VIPR2: variants seen among roughly 807,000 people sequenced by gnomAD.
VIPR2 encodes the protein vasoactive intestinal polypeptide receptor 2.
In VIPR2, 48 loss-of-function variants were observed where a neutral mutation model predicts 58.0. The observed-to-expected ratio is 0.83, with a 90% CI of 0.66 to 1.05. The LOEUF (loss-of-function observed/expected upper bound fraction) is 1.05, where lower values mean the gene tolerates loss of function less well. Ranked by LOEUF, VIPR2 falls within the 50% of genes least tolerant of loss-of-function variation. The pLI is 0.00. For synonymous variants in VIPR2, 243 were observed against 235.2 expected (o/e 1.03, Z -0.30); for missense variants, 534 against 558.0 (o/e 0.96, Z 0.43).
At chr7:159,050,303 C>CT (rs904886866) in intron 5 of VIPR2, among the ~76,000 whole-genome samples, 6 of 150,718 alleles carry the variant, frequency 4.0e-5, no homozygotes, top group Admixed American at 2.6e-4. Context: ...TGCCACTGCA[C>CT]TCCAGCCTGG....
At chr7:159,083,793 G>A (rs1362112045) in intron 4 of VIPR2, among the ~76,000 whole-genome samples, 2 of 152,238 alleles carry the variant, frequency 1.3e-5, no homozygotes, top group Non-Finnish European at 2.9e-5. Context: ...TGTCTGCACT[G>A]CATCACAGTG....
At chr7:159,057,306 TA>T (rs1855381909) in intron 5 of VIPR2, among the ~76,000 whole-genome samples, 1 of 152,230 alleles carries the variant, frequency 6.6e-6, no homozygotes, top group Non-Finnish European at 1.5e-5. Context: ...CAAATATTAA[TA>T]TTGTACCAGA....
intron 4 of VIPR2, among the ~76,000 whole-genome samples, chr7:159,076,881 T>C (rs1856662665): frequency 6.6e-6 from 1 of 152,214 alleles, no homozygotes; most frequent in South Asian, 2.1e-4. Flanking sequence ...ATACAACTTT[T>C]ATTACTAGTT....
intron 2 of VIPR2, among the ~76,000 whole-genome samples, chr7:159,113,288 C>T (rs1238373267): frequency 6.6e-6 from 1 of 150,758 alleles, no homozygotes; most frequent in Admixed American, 6.6e-5. Context: ...TGAAACTTCC[C>T]GGTCTGTTCT....
chr7:159,088,704 T>C (rs761495948), intron 4 of VIPR2, among the ~76,000 whole-genome samples: 64 of 152,354 alleles, frequency 4.2e-4, no homozygotes, highest in Non-Finnish European at 7.3e-4. Flanking sequence ...CACACAGCGG[T>C]GGCAGCACGG....
At chr7:159,047,048 A>G (rs1028385520) in intron 5 of VIPR2, among the ~76,000 whole-genome samples, 1 of 152,170 alleles carries the variant, frequency 6.6e-6, no homozygotes, top group South Asian at 2.1e-4. Flanking sequence ...CAGCCTGACT[A>G]ACAAGGTGAA....
chr7:159,125,570 C>T (rs118152437), intron 2 of VIPR2, among the ~76,000 whole-genome samples: 2,312 of 152,310 alleles, frequency 0.015, 32 homozygotes, highest in Admixed American at 0.033. Context: ...GAAAATTCTC[C>T]GGTATGTCCT....
At chr7:159,121,194 C>T (rs1796442469) in intron 2 of VIPR2, among the ~76,000 whole-genome samples, 1 of 151,148 alleles carries the variant, frequency 6.6e-6, no homozygotes, top group Non-Finnish European at 1.5e-5. Context: ...CTCCCTCCCT[C>T]CCTCCATGCT....
At chr7:159,069,199 A>G (rs987225000) in intron 4 of VIPR2, among the ~76,000 whole-genome samples, 2 of 152,124 alleles carry the variant, frequency 1.3e-5, no homozygotes, top group African/African-American at 2.4e-5. Context: ...CTCAGGGCTC[A>G]TGGGGGCCTT....
intron 4 of VIPR2, among the ~76,000 whole-genome samples, chr7:159,083,078 A>C (rs1049474053): frequency 1.3e-5 from 2 of 152,142 alleles, no homozygotes; most frequent in Non-Finnish European, 2.9e-5. Flanking sequence ...CACACCCCCA[A>C]GTCTTCCTGA....
intron 2 of VIPR2, among the ~76,000 whole-genome samples, chr7:159,110,643 C>A (rs995059091): frequency 1.3e-5 from 2 of 152,052 alleles, no homozygotes; most frequent in African/African-American, 4.8e-5. Context: ...TAAAATTTTA[C>A]CTTTTACTTA....
intron 5 of VIPR2, among the ~76,000 whole-genome samples, chr7:159,046,664 G>A (rs1181583987): frequency 6.6e-6 from 1 of 152,144 alleles, no homozygotes; most frequent in East Asian, 1.9e-4. Context: ...CCTTAAGATG[G>A]CTCAAATGGT....
In VIPR2 at chr7:159,042,680, C is replaced by G. The variant is rs558207056; in HGVS notation, c.597+355G>C. 2.6e-5 allele frequency among the ~76,000 whole-genome samples: 4 copies of G among 152,334 alleles called. No individual in the cohort carries two copies. The South Asian group carries it at 8.3e-4, about 32-fold the overall frequency. ...GAATCTAGGAGATTCAGACAGAAAG[C>G]AACAGAGTTGTGTGTGTTCATCTGT... On this transcript the variant is annotated intron_variant, in intron 6 of 12. Coordinates refer to ENST00000262178, the MANE Select transcript of VIPR2 (RefSeq NM_003382.5).
At chr7:159,122,874 T>A (rs551858394) in intron 2 of VIPR2, among the ~76,000 whole-genome samples, 7 of 152,302 alleles carry the variant, frequency 4.6e-5, no homozygotes, top group Admixed American at 3.3e-4. Context: ...CTGGGGTACA[T>A]GTGCAGATTT....
At chr7:159,032,152 G>C in intron 10 of VIPR2, 85 bp from the exon 11 acceptor site, 3 of 1,562,310 alleles carry the variant, frequency 1.9e-6, no homozygotes, top group South Asian at 2.4e-5. Flanking sequence ...GGAGGGGGCA[G>C]CTGGGTGTGG....
In VIPR2 at chr7:159,063,505, G is replaced by A. The variant is rs537644235; in HGVS notation, c.358-4927C>T. Among the ~76,000 whole-genome samples the A allele has an allele frequency of 2.5e-4, 38 of 152,036 alleles. No homozygotes were observed. In the South Asian group the frequency reaches 7.9e-3, roughly 32 times the overall value. ...GCGCACAGCCCCGGTTCCCGCCCGC[G>A]CCTCTCCCTCCACACCTCCCTGCAA... On this transcript the variant is annotated intron_variant, in intron 4 of 12. Coordinates refer to ENST00000262178, the MANE Select transcript of VIPR2 (RefSeq NM_003382.5).
chr7:159,050,351 AAAC>A (rs1431441228), intron 5 of VIPR2, among the ~76,000 whole-genome samples: 1 of 50,258 alleles, frequency 2.0e-5, no homozygotes, highest in Non-Finnish European at 5.7e-5. Flanking sequence ...AAACACAAAA[AAAC>A]AAAAAAAAAA....
intron 4 of VIPR2, among the ~76,000 whole-genome samples, chr7:159,079,038 C>T (rs1856781991): frequency 6.6e-6 from 1 of 152,076 alleles, no homozygotes; most frequent in Non-Finnish European, 1.5e-5. Flanking sequence ...CCTTCAGTGT[C>T]CATGGAGGAA....
intron 2 of VIPR2, among the ~76,000 whole-genome samples, chr7:159,126,396 CT>C (rs1796650989): frequency 6.6e-6 from 1 of 152,196 alleles, no homozygotes; most frequent in African/African-American, 2.4e-5. Context: ...ATTCGCCAAG[CT>C]GGGTATGATA....
Sources: gnomAD v4.1 joint callset for allele counts (sites outside exome capture counted in the v4.1 genomes callset) on GRCh38, gnomAD v4.1.1 for gene constraint, MANE v1.5 for transcripts, NCBI Gene and HGNC (gene_info 2026-07-23, HGNC 2026-07-21) for gene names.